PC: variants seen among roughly 807,000 people sequenced by gnomAD.
The protein encoded by PC is pyruvate carboxylase, also known as pyruvate carboxylase, mitochondrial.
Under a neutral mutation model 107.8 loss-of-function variants are expected in PC, and 46 were observed. That is an observed-to-expected ratio of 0.43 (90% CI 0.34 to 0.55). The LOEUF (loss-of-function observed/expected upper bound fraction) is 0.55. Among genes scored for constraint, PC ranks in the 20% least tolerant of loss-of-function variants. The probability of loss-of-function intolerance (pLI) is 0.04; values close to 1 mark genes in which losing one functional copy is unlikely to be tolerated. For missense variants in PC, 1,241 were observed against 1,643.1 expected (o/e 0.76, Z 4.23); for synonymous variants, 662 against 684.7 (o/e 0.97, Z 0.52).
At chr11:66,906,128 A>G (rs1352014355) in intron 3 of PC, among the ~76,000 whole-genome samples, 4 of 152,204 alleles carry the variant, frequency 2.6e-5, no homozygotes, top group Admixed American at 2.6e-4. Context: ...ACAATGACCC[A>G]GTGAGAAGCT....
At chr11:66,895,754 A>AAGG (rs1327293458) in intron 3 of PC, among the ~76,000 whole-genome samples, 1 of 152,164 alleles carries the variant, frequency 6.6e-6, no homozygotes, top group Admixed American at 6.5e-5. Flanking sequence ...CCAAAAACTA[A>AAGG]ATAATAGGAG....
In PC at chr11:66,930,666, C is replaced by T. The variant is rs1224975401; in HGVS notation, c.-1+21764G>A. 8.1e-5 allele frequency among the ~76,000 whole-genome samples: 12 copies of T among 148,270 alleles called. No homozygotes were observed. In the East Asian group the frequency reaches 1.0e-3, roughly 13 times the overall value. ...TTGAGACAGGAGAATCATTTGAACT[C>T]GGGAGTCAGAGGTTGTAGTGAGCCA... On this transcript the variant is annotated intron_variant, in intron 3 of 22. Transcript: ENST00000393960.
In PC at chr11:66,858,591, A is replaced by C; in HGVS notation, c.1368+5183T>G. 1.3e-6 allele frequency: 2 copies of C among 1,533,632 alleles called. No individual in the cohort carries two copies. Among genetic ancestry groups the C allele is most frequent in the Non-Finnish European group, 1.7e-6 (2 of 1,143,792 alleles). Reference sequence around the variant, plus strand: ...CGAGTTCTCCTGTGAGCCGCCCCTCATTGCCCGCCACACGCAGCGCCTCTG... The same window carrying C: ...CGAGTTCTCCTGTGAGCCGCCCCTCCTTGCCCGCCACACGCAGCGCCTCTG... On this transcript the variant is annotated intron_variant, in intron 12 of 22. Transcript: ENST00000393960. The surrounding 1 kb of genome is among the most constrained non-coding windows in gnomAD (Gnocchi z 5.9).
chr11:66,850,154 C>T (rs1945388874), intron 19 of PC, 38 bp from the exon 20 acceptor site: 2 of 1,613,870 alleles, frequency 1.2e-6, no homozygotes, highest in South Asian at 2.2e-5. Context: ...TGCCAGGCAC[C>T]TCAAGGAGGC....
intron 3 of PC, among the ~76,000 whole-genome samples, chr11:66,901,467 C>T (rs1678196849): frequency 6.6e-6 from 1 of 151,982 alleles, no homozygotes; most frequent in Admixed American, 6.6e-5. Flanking sequence ...GCAGGAAAGG[C>T]TATTTATTTA....
At position 66,858,420 on chromosome 11, in the gene PC, C is replaced by G; in HGVS notation, c.1369-5037G>C. On this transcript the variant is annotated intron_variant, in intron 12 of 22. Coordinates refer to ENST00000393960, the MANE Select transcript of PC (RefSeq NM_001040716.2). The surrounding 1 kb of genome is among the most constrained non-coding windows in gnomAD (Gnocchi z 5.9). ...GCGTGATGCAGAGGCCTCTCCCGCC[C>G]CCCTGGTGCTGAGCTTTAGCGGGAA... 1 of 1,555,246 alleles carries G rather than the reference C, an allele frequency of 6.4e-7. No homozygotes were observed. Among genetic ancestry groups the G allele is most frequent in the Non-Finnish European group, 8.6e-7 (1 of 1,156,420 alleles).
At chr11:66,958,083 T>C (rs1412016613) in intron 1 of PC, 1 of 136,452 alleles carries the variant, frequency 7.3e-6, no homozygotes, top group African/African-American at 2.7e-5. Context: ...CGGGGGCGGG[T>C]CCGGGGGCGG....
chr11:66,858,318 C>G lies in PC; in HGVS notation c.1369-4935G>C, dbSNP rs775117520. 3.7e-6 allele frequency: 6 copies of G among 1,608,294 alleles called. No individual in the cohort carries two copies. The highest frequency in any genetic ancestry group is 1.6e-4 in the Middle Eastern group (1 of 6,080). Reference sequence around the variant, plus strand: ...ACTGCCCCCAGGCGCCTTCGCCCAGCTCGGTCAGCTCTCCCGCCTGGACCT... The same window carrying G: ...ACTGCCCCCAGGCGCCTTCGCCCAGGTCGGTCAGCTCTCCCGCCTGGACCT... On this transcript the variant is annotated intron_variant, in intron 12 of 22. Coordinates refer to ENST00000393960, the MANE Select transcript of PC (RefSeq NM_001040716.2). This position sits in a 1 kb window ranked among gnomAD's most constrained non-coding sequence, Gnocchi z 5.9.
chr11:66,941,483 A>G (rs1372756075), intron 3 of PC, among the ~76,000 whole-genome samples: 1 of 152,130 alleles, frequency 6.6e-6, no homozygotes, highest in Non-Finnish European at 1.5e-5. Context: ...ATACAACGGA[A>G]TATCATTCAG....
intron 3 of PC, among the ~76,000 whole-genome samples, chr11:66,920,766 T>C (rs1948575122): frequency 6.6e-6 from 1 of 151,742 alleles, no homozygotes; most frequent in Admixed American, 6.6e-5. Context: ...GGCATGAGGC[T>C]GGGCGTGGTG....
chr11:66,910,298 C>T (rs983558562), intron 3 of PC, among the ~76,000 whole-genome samples: 7 of 152,120 alleles, frequency 4.6e-5, no homozygotes, highest in African/African-American at 1.2e-4. Context: ...ACATCTGTCT[C>T]GTCCTTGTCT....
At chr11:66,850,195 G>T (rs1421932207) in intron 19 of PC, 25 bp downstream of exon 19, 6 of 1,613,818 alleles carry the variant, frequency 3.7e-6, no homozygotes, top group Non-Finnish European at 4.2e-6. Flanking sequence ...GCTGGGTCAG[G>T]TAAGGAGCAC....
At chr11:66,906,389 G>A (rs763785170) in intron 3 of PC, among the ~76,000 whole-genome samples, 5 of 152,092 alleles carry the variant, frequency 3.3e-5, no homozygotes, top group Non-Finnish European at 7.3e-5. Flanking sequence ...GGTAAGTACT[G>A]TCTCCTGGCC....
intron 3 of PC, among the ~76,000 whole-genome samples, chr11:66,927,949 C>T (rs1313588777): frequency 6.6e-6 from 1 of 152,100 alleles, no homozygotes; most frequent in Non-Finnish European, 1.5e-5. Context: ...GAACTAAGTT[C>T]TAAGATGAAC....
intron 12 of PC, among the ~76,000 whole-genome samples, chr11:66,854,427 C>T (rs1273828338): frequency 6.6e-6 from 1 of 152,212 alleles, no homozygotes; most frequent in Admixed American, 6.5e-5. Flanking sequence ...TGCCTGGGAA[C>T]CCTTGGGGGC....
intron 3 of PC, among the ~76,000 whole-genome samples, chr11:66,947,836 G>A (rs1376462648): frequency 3.3e-5 from 5 of 151,478 alleles, no homozygotes; most frequent in East Asian, 3.9e-4. Context: ...GGTGGTGGGC[G>A]CCTCTAGTCC....
chr11:66,898,541 G>C (rs931560410), intron 3 of PC, among the ~76,000 whole-genome samples: 1 of 152,140 alleles, frequency 6.6e-6, no homozygotes, highest in African/African-American at 2.4e-5. Context: ...TTCGCTGGGC[G>C]TGGTGGCAGG....
Position 66,870,768 on chromosome 11 carries a change from C to CGAGT in PC, c.751+6_751+7insACTC. ...GCTGCCCCAGGCGGGGCGTCAGGAC[C>CGAGT]ACTCACCCAAGATCTGCACCTCGAT... On this transcript the variant is annotated splice_region_variant and intron_variant, in intron 8 of 22. Coordinates refer to ENST00000393960, the MANE Select transcript of PC (RefSeq NM_001040716.2). The surrounding 1 kb of genome is among the most constrained non-coding windows in gnomAD (Gnocchi z 6.1). 1 of 1,609,718 alleles carries CGAGT rather than the reference C, an allele frequency of 6.2e-7. No individual in the cohort carries two copies. Among genetic ancestry groups the CGAGT allele is most frequent in the Non-Finnish European group, 8.5e-7 (1 of 1,178,324 alleles).
chr11:66,850,862 C>T lies in PC; in HGVS notation c.2285G>A (p.Arg762His), dbSNP rs574858955. Residue 762 changes from arginine (R) to histidine (H), a missense_variant, in exon 18 of 23, where the codon CGC becomes CAC. This residue lies in a region of PC where 1,143 missense variants were observed against 1,551.9 expected (regional missense o/e 0.74). Coordinates refer to ENST00000393960, the MANE Select transcript of PC (RefSeq NM_001040716.2). ...CTMLVSSLRD[R>H]FPDLPLHIHT... is the part of the protein sequence containing the mutation. ...GATGTGCAGTGGGAGGTCGGGGAAG[C>T]GGTCCCGGAGGGAGCTGACCAGCAT... The T allele has an allele frequency of 2.9e-5, 47 of 1,611,504 alleles. 1 individual carries two copies. Among genetic ancestry groups the T allele is most frequent in the Middle Eastern group, 1.7e-4 (1 of 6,020 alleles).
Sources: allele counts gnomAD v4.1 joint callset (sites outside exome capture counted in the v4.1 genomes callset), GRCh38; gene constraint gnomAD v4.1.1; regional missense constraint gnomAD v4.1.1; non-coding constraint Gnocchi (gnomAD v3.1); transcripts MANE v1.5; gene names NCBI Gene and HGNC (gene_info 2026-07-23, HGNC 2026-07-21).